Variants in NUP62CL observed in about 807,000 individuals in gnomAD.
The protein encoded by NUP62CL is nucleoporin-62 C-terminal-like protein.
Under a neutral mutation model 15.3 loss-of-function variants are expected in NUP62CL, and 13 were observed. That is an observed-to-expected ratio of 0.85 (90% CI 0.55 to 1.35). The LOEUF (loss-of-function observed/expected upper bound fraction) is 1.35, where lower values mean the gene tolerates loss of function less well. Ranked by LOEUF, NUP62CL falls within the 40% of genes most tolerant of loss-of-function variation. NUP62CL has a pLI of 0.00. For synonymous variants in NUP62CL, 54 were observed against 49.2 expected (o/e 1.10, Z -0.41); for missense variants, 123 against 130.6 (o/e 0.94, Z 0.28).
At chrX:107,165,115 A>G (rs1202372463) in intron 4 of NUP62CL, among the ~76,000 whole-genome samples, 1 of 109,848 alleles carries the variant, frequency 9.1e-6, no homozygotes, top group Non-Finnish European at 1.9e-5. Flanking sequence ...AAACAAACAA[A>G]CAAACAAACA....
At chrX:107,155,928 G>T (rs886492136) in intron 4 of NUP62CL, among the ~76,000 whole-genome samples, 2 of 112,232 alleles carry the variant, frequency 1.8e-5, no homozygotes, top group Admixed American at 9.3e-5. Context: ...TGCGCGCACC[G>T]TGCGCAAGCC....
chrX:107,138,875 A>T (rs921745717), intron 8 of NUP62CL, among the ~76,000 whole-genome samples: 1 of 112,152 alleles, frequency 8.9e-6, no homozygotes, highest in African/African-American at 3.2e-5. Context: ...TTTTATTCAT[A>T]ATGTCCTAAA....
chrX:107,157,124 G>A (rs1464936794), intron 4 of NUP62CL, among the ~76,000 whole-genome samples: 1 of 110,418 alleles, frequency 9.1e-6, no homozygotes, highest in Non-Finnish European at 1.9e-5. Flanking sequence ...AATGTGGGAC[G>A]ATGTGAAAAG....
chrX:107,174,103 C>T (rs1473222853), intron 3 of NUP62CL, among the ~76,000 whole-genome samples: 1 of 75,010 alleles, frequency 1.3e-5, no homozygotes, highest in Non-Finnish European at 2.5e-5. Flanking sequence ...TTCTCTCTCT[C>T]TCCCTCCCTC....
intron 1 of NUP62CL, 100 bp from the exon 2 acceptor site, chrX:107,193,172 C>T (rs960486607): frequency 8.9e-6 from 1 of 111,967 alleles, no homozygotes; most frequent in Admixed American, 9.5e-5. Context: ...GTTGCTCCCT[C>T]GTACTCCAAA....
At chrX:107,199,940 A>G (rs192203121) in intron 1 of NUP62CL, among the ~76,000 whole-genome samples, 95 of 112,173 alleles carry the variant, frequency 8.5e-4, no homozygotes, top group Admixed American at 3.1e-3. Context: ...ATAGTTATGC[A>G]TGCCAACTCT....
chrX:107,172,922 G>C (rs1437756753), intron 3 of NUP62CL, among the ~76,000 whole-genome samples: 1 of 110,867 alleles, frequency 9.0e-6, no homozygotes, highest in Non-Finnish European at 1.9e-5. Context: ...AAACCACTTA[G>C]CCCTAAAAGC....
rs1926096060 is a variant in NUP62CL at position 107,153,395 on chromosome X, A to G, written c.395+59T>C. 2.7e-6 allele frequency: 3 copies of G among 1,112,097 alleles called. No individual in the cohort carries two copies. The East Asian group carries it at 9.0e-5, about 33-fold the overall frequency. 91.6% of individuals were successfully genotyped at this position (1,112,097 alleles called of 1,213,427 possible). A position where few individuals can be genotyped will look rare whatever the true frequency, so the allele number is the denominator to read the frequency against. On this transcript the variant is annotated intron_variant, in intron 6 of 8. Coordinates refer to ENST00000372466, the MANE Select transcript of NUP62CL (RefSeq NM_017681.3). ...TTAACAAACTACAGAAGGAAAAAAAAAACACTGAATAAAAAGATAGGTCTT... is the reference window on the plus strand; with the variant it reads ...TTAACAAACTACAGAAGGAAAAAAAGAACACTGAATAAAAAGATAGGTCTT...
intron 8 of NUP62CL, among the ~76,000 whole-genome samples, chrX:107,129,586 G>T (rs979485798): frequency 8.0e-5 from 9 of 112,147 alleles, no homozygotes; most frequent in African/African-American, 2.6e-4. Context: ...CTTCTCCAGA[G>T]AATTTGACCA....
chrX:107,165,677 AAATC>A (rs1425569725), intron 4 of NUP62CL, among the ~76,000 whole-genome samples: 2 of 111,971 alleles, frequency 1.8e-5, no homozygotes, highest in Non-Finnish European at 3.8e-5. Context: ...GAACATCTGA[AAATC>A]AATCAGTGTA....
At chrX:107,191,187 T>C (rs893752945) in intron 2 of NUP62CL, among the ~76,000 whole-genome samples, 1 of 99,828 alleles carries the variant, frequency 1.0e-5, no homozygotes, top group Admixed American at 1.2e-4. Context: ...CTAGATAACA[T>C]GGCTCCTGTC....
At chrX:107,162,318 T>TA (rs911212755) in intron 4 of NUP62CL, among the ~76,000 whole-genome samples, 2 of 109,125 alleles carry the variant, frequency 1.8e-5, no homozygotes, top group Non-Finnish European at 3.8e-5. Flanking sequence ...AAAACGTATT[T>TA]AAAAAAAAAG....
intron 1 of NUP62CL, among the ~76,000 whole-genome samples, chrX:107,199,913 G>A (rs1048241315): frequency 1.8e-5 from 2 of 111,831 alleles, no homozygotes; most frequent in Non-Finnish European, 3.8e-5. Context: ...GCACAGTAAT[G>A]ACCCTATTTG....
intron 2 of NUP62CL, among the ~76,000 whole-genome samples, chrX:107,185,811 C>T (rs1031672487): frequency 1.8e-5 from 2 of 111,535 alleles, no homozygotes; most frequent in African/African-American, 6.5e-5. Flanking sequence ...CACGACTCAA[C>T]TATATGTTGT....
chrX:107,154,123 G>T lies in NUP62CL; in HGVS notation c.318C>A (p.Asp106Glu), dbSNP rs758277675. ...LLQATQVNAW[D>E]HTLIENGEMI... ...TCTCACCATTCTCAATCAATGTATG[G>T]TCCCAAGCATTGACCTGAGTGGCCT... is the stretch of plus-strand genomic sequence containing the variant. The change falls in exon 5 of 9, where the codon GAC becomes GAA. Residue 106 changes from aspartate to glutamate, a missense_variant. By Grantham distance (45) the Asp-to-Glu change is conservative. Coordinates refer to ENST00000372466, the MANE Select transcript of NUP62CL (RefSeq NM_017681.3). The T allele has an allele frequency of 2.3e-5, 28 of 1,204,847 alleles. No individual in the cohort carries two copies. The highest frequency in any genetic ancestry group is 3.0e-5 in the Non-Finnish European group (27 of 892,535).
chrX:107,160,076 G>A (rs1602648867), intron 4 of NUP62CL, among the ~76,000 whole-genome samples: 1 of 84,275 alleles, frequency 1.2e-5, no homozygotes. Context: ...ACTTACAAGG[G>A]ATGTGAAGGA....
rs1927662229 is a variant in NUP62CL, at chrX:107,205,752, C to A, written c.-92+521G>T. Among the ~76,000 whole-genome samples the A allele has an allele frequency of 3.6e-5, 4 of 111,161 alleles. No homozygotes were observed. In the Admixed American group the frequency reaches 3.8e-4, roughly 11 times the overall value. On this transcript the variant is annotated intron_variant, in intron 1 of 8. Transcript: ENST00000372466. Reference sequence around the variant, plus strand: ...TTTATGGGAAACTAGGGTAACAACTCTATCTCTAAGTGAACTTAAGACAAC... The same window carrying A: ...TTTATGGGAAACTAGGGTAACAACTATATCTCTAAGTGAACTTAAGACAAC...
In NUP62CL at chrX:107,132,260, G is replaced by A. The variant is rs1203876528; in HGVS notation, c.*43-7928C>T. 79 of 1,051,634 alleles carry A rather than the reference G, an allele frequency of 7.5e-5. No individual in the cohort carries two copies. In the Admixed American group the frequency reaches 1.9e-3, roughly 25 times the overall value. 86.7% of individuals were successfully genotyped at this position (1,051,634 alleles called of 1,213,427 possible). The stretch of plus-strand genomic sequence containing the variant: ...GTTCTGTTTTTATGGAAACTCAAAT[G>A]CTGCCTTAGAAATCACTCCTAGATG... On this transcript the variant is annotated intron_variant, in intron 8 of 8. Coordinates refer to ENST00000372466, the MANE Select transcript of NUP62CL (RefSeq NM_017681.3).
intron 2 of NUP62CL, among the ~76,000 whole-genome samples, chrX:107,187,391 T>TTTTATTTA (rs1242478101): frequency 1.8e-5 from 2 of 111,754 alleles, no homozygotes; most frequent in Non-Finnish European, 3.8e-5. Flanking sequence ...CAGCTAATTC[T>TTTTATTTA]TTTATTTATT....
Sources: allele counts gnomAD v4.1 joint callset (sites outside exome capture counted in the v4.1 genomes callset), GRCh38; gene constraint gnomAD v4.1.1; transcripts MANE v1.5; gene names NCBI Gene and HGNC (gene_info 2026-07-23, HGNC 2026-07-21).